SCAPER: variants seen among roughly 807,000 people sequenced by gnomAD.
SCAPER encodes S-phase cyclin A associated protein in the ER, also known as S phase cyclin A-associated protein in the endoplasmic reticulum.
Under a neutral mutation model 182.2 loss-of-function variants are expected in SCAPER, and 98 were observed. The ratio of observed to expected loss-of-function variants is 0.54; its 90% confidence interval spans 0.46 to 0.64. The LOEUF (loss-of-function observed/expected upper bound fraction) is 0.64, where lower values mean the gene tolerates loss of function less well. Ranked by LOEUF, SCAPER falls within the 30% of genes least tolerant of loss-of-function variation. The probability of loss-of-function intolerance (pLI) is 0.00; values close to 1 mark genes in which losing one functional copy is unlikely to be tolerated. For synonymous variants in SCAPER, 605 were observed against 564.6 expected, an observed-to-expected ratio of 1.07 and a Z score of -1.01; for missense variants, 1,432 against 1,690.0, an observed-to-expected ratio of 0.85 and a Z score of 2.68.
chr15:76,437,862 T>C (rs74024115), intron 25 of SCAPER, among the ~76,000 whole-genome samples: 2,404 of 152,320 alleles, frequency 0.016, 49 homozygotes, highest in African/African-American at 0.048. Flanking sequence ...AACACATACA[T>C]AGTCAAGGGA....
intron 24 of SCAPER, among the ~76,000 whole-genome samples, chr15:76,477,116 A>G (rs193008195): frequency 6.6e-6 from 1 of 152,038 alleles, no homozygotes. Flanking sequence ...TGGTCTGCTG[A>G]AAAAAAACCA....
intron 8 of SCAPER, among the ~76,000 whole-genome samples, chr15:76,777,154 A>C (rs2063791445): frequency 1.3e-5 from 2 of 152,180 alleles, no homozygotes; most frequent in Non-Finnish European, 2.9e-5. Context: ...ATAGAGAAAC[A>C]CCAATTCAAA....
At chr15:76,767,467 T>C (rs1057453315) in intron 10 of SCAPER, among the ~76,000 whole-genome samples, 1 of 152,170 alleles carries the variant, frequency 6.6e-6, no homozygotes, top group Non-Finnish European at 1.5e-5. Context: ...TATACTATAA[T>C]GGGAACATGG....
At chr15:76,672,122 A>C (rs1295791752) in intron 20 of SCAPER, among the ~76,000 whole-genome samples, 2 of 152,186 alleles carry the variant, frequency 1.3e-5, no homozygotes, top group Non-Finnish European at 1.5e-5. Flanking sequence ...ACTAGGGATA[A>C]TAGAGACAAA....
At chr15:76,397,268 C>T (rs1181415837) in intron 27 of SCAPER, among the ~76,000 whole-genome samples, 1 of 151,902 alleles carries the variant, frequency 6.6e-6, no homozygotes, top group Non-Finnish European at 1.5e-5. Flanking sequence ...ATCAGGGATA[C>T]TGGTCTTTAG....
At chr15:76,795,902 AT>A (rs2065290267) in intron 7 of SCAPER, among the ~76,000 whole-genome samples, 1 of 152,140 alleles carries the variant, frequency 6.6e-6, no homozygotes, top group African/African-American at 2.4e-5. Context: ...TCTCTACTAA[AT>A]AACAAAAATT....
At chr15:76,885,471 T>C (rs997132221) in intron 1 of SCAPER, among the ~76,000 whole-genome samples, 1 of 152,164 alleles carries the variant, frequency 6.6e-6, no homozygotes, top group Non-Finnish European at 1.5e-5. Context: ...GGCCTTCCCA[T>C]ATAACATTCA....
At chr15:76,618,027 G>A (rs2051655459) in intron 22 of SCAPER, among the ~76,000 whole-genome samples, 1 of 152,178 alleles carries the variant, frequency 6.6e-6, no homozygotes, top group Non-Finnish European at 1.5e-5. Flanking sequence ...GGGAGGCCAA[G>A]GCGGGTGGAT....
At chr15:76,634,705 T>C (rs1454412520) in intron 21 of SCAPER, among the ~76,000 whole-genome samples, 1 of 152,220 alleles carries the variant, frequency 6.6e-6, no homozygotes, top group African/African-American at 2.4e-5. Context: ...TTAGATGCCA[T>C]TGCCAAATGT....
At chr15:76,461,354 GATT>G (rs955069909) in intron 25 of SCAPER, among the ~76,000 whole-genome samples, 3 of 150,000 alleles carry the variant, frequency 2.0e-5, no homozygotes, top group Non-Finnish European at 4.4e-5. Context: ...TTACAAAAAA[GATT>G]ATTTTGTGGG....
chr15:76,527,078 G>A (rs2043261701), intron 23 of SCAPER, among the ~76,000 whole-genome samples: 1 of 152,020 alleles, frequency 6.6e-6, no homozygotes, highest in Non-Finnish European at 1.5e-5. Context: ...GTTTCACCAT[G>A]TTGGCCAGGC....
At chr15:76,864,633 T>C (rs2072130568) in intron 2 of SCAPER, among the ~76,000 whole-genome samples, 1 of 152,018 alleles carries the variant, frequency 6.6e-6, no homozygotes, top group Non-Finnish European at 1.5e-5. Flanking sequence ...GAAAAAAAAG[T>C]CACTATAGTA....
intron 22 of SCAPER, among the ~76,000 whole-genome samples, chr15:76,608,990 G>A (rs1055596135): frequency 2.0e-5 from 3 of 152,122 alleles, no homozygotes; most frequent in Non-Finnish European, 4.4e-5. Context: ...GCGATGCCTC[G>A]CCCTGCTTCG....
chr15:76,610,442 C>A (rs1011896752), intron 22 of SCAPER, among the ~76,000 whole-genome samples: 1 of 151,982 alleles, frequency 6.6e-6, no homozygotes, highest in African/African-American at 2.4e-5. Flanking sequence ...CTAACCAGAG[C>A]AATTAAGCAA....
intron 22 of SCAPER, among the ~76,000 whole-genome samples, chr15:76,619,546 G>A (rs2051824041): frequency 6.6e-6 from 1 of 151,912 alleles, no homozygotes; most frequent in South Asian, 2.1e-4. Context: ...TTTAGAGAGA[G>A]CTAATTTGTT....
At chr15:76,410,735 T>A (rs1157521913) in intron 26 of SCAPER, among the ~76,000 whole-genome samples, 1 of 152,114 alleles carries the variant, frequency 6.6e-6, no homozygotes, top group Non-Finnish European at 1.5e-5. Context: ...GATTCCTTCA[T>A]ATATGGCTAA....
chr15:76,678,768 G>A (rs1290797153), intron 20 of SCAPER, among the ~76,000 whole-genome samples: 2 of 152,102 alleles, frequency 1.3e-5, no homozygotes, highest in Non-Finnish European at 2.9e-5. Context: ...TTTTTAGACA[G>A]CACTTTATCA....
At chr15:76,610,464 A>T (rs889639183) in intron 22 of SCAPER, among the ~76,000 whole-genome samples, 4 of 152,216 alleles carry the variant, frequency 2.6e-5, no homozygotes, top group Admixed American at 6.5e-5. Context: ...AAAAATAAAT[A>T]AAATGCATCC....
intron 22 of SCAPER, among the ~76,000 whole-genome samples, chr15:76,600,385 ATATGTGTGTGTG>A (rs1412229338): frequency 2.6e-4 from 10 of 38,456 alleles, no homozygotes; most frequent in African/African-American, 5.1e-4. Flanking sequence ...AAGTGTGTGT[ATATGTGTGTGTG>A]TGTGTGTGTG....
Sources: gnomAD v4.1 joint callset for allele counts (sites outside exome capture counted in the v4.1 genomes callset) on GRCh38, gnomAD v4.1.1 for gene constraint, MANE v1.5 for transcripts, NCBI Gene and HGNC (gene_info 2026-07-23, HGNC 2026-07-21) for gene names.